The following ABTB2 variants were observed in gnomAD, a reference collection of about 807,000 sequenced individuals.
The protein encoded by ABTB2 is ankyrin repeat and BTB/POZ domain-containing protein 2.
Under a neutral mutation model 104.1 loss-of-function variants are expected in ABTB2, and 56 were observed. The observed-to-expected ratio is 0.54, with a 90% confidence interval of 0.43 to 0.67. The LOEUF (loss-of-function observed/expected upper bound fraction) is 0.67, where lower values mean the gene tolerates loss of function less well. Among genes scored for constraint, ABTB2 ranks in the 30% least tolerant of loss-of-function variants. ABTB2 has a pLI of 0.00. For missense variants in ABTB2, 1,279 were observed against 1,407.7 expected (o/e 0.91, Z 1.46); for synonymous variants, 606 against 608.2 (o/e 1.00, Z 0.05).
chr11:34,346,067 G>C (rs1855327612), intron 1 of ABTB2, among the ~76,000 whole-genome samples: 1 of 152,152 alleles, frequency 6.6e-6, no homozygotes, highest in African/African-American at 2.4e-5. Context: ...TCGGAGCATG[G>C]AGCTCCATGT....
intron 1 of ABTB2, among the ~76,000 whole-genome samples, chr11:34,205,742 G>A (rs1853401558): frequency 6.6e-6 from 1 of 152,156 alleles, no homozygotes; most frequent in African/African-American, 2.4e-5. Flanking sequence ...CACGTGTGAT[G>A]TAACAAGGAC....
chr11:34,203,010 G>T (rs1248425167), intron 2 of ABTB2, among the ~76,000 whole-genome samples: 5 of 152,144 alleles, frequency 3.3e-5, no homozygotes, highest in African/African-American at 9.7e-5. Flanking sequence ...CCTAGGGGAG[G>T]CCTCTAAATG....
intron 3 of ABTB2, among the ~76,000 whole-genome samples, chr11:34,189,912 C>G (rs1316918653): frequency 6.6e-6 from 1 of 152,152 alleles, no homozygotes; most frequent in Non-Finnish European, 1.5e-5. Flanking sequence ...CCCCACAACA[C>G]CCCTATGAAG....
chr11:34,294,896 A>G (rs1854602729), intron 1 of ABTB2, among the ~76,000 whole-genome samples: 1 of 151,234 alleles, frequency 6.6e-6, no homozygotes, highest in Admixed American at 6.6e-5. Flanking sequence ...TTTAATTTTT[A>G]GTAGAGACAG....
At chr11:34,302,212 T>C (rs541260218) in intron 1 of ABTB2, among the ~76,000 whole-genome samples, 11 of 152,360 alleles carry the variant, frequency 7.2e-5, no homozygotes, top group Non-Finnish European at 1.5e-4. Context: ...CACAACTGGA[T>C]ATTTCATGAG....
In ABTB2 at chr11:34,204,543, C is replaced by T; in HGVS notation, c.1030+1G>A. 3 of 1,605,030 alleles carry T rather than the reference C, an allele frequency of 1.9e-6. No individual in the cohort carries two copies. The highest frequency in any genetic ancestry group is 2.5e-6 in the Non-Finnish European group (3 of 1,176,600). Reference sequence around the variant, plus strand: ...CAGCTAGACACTGAGGCCACACTTACTCAGCTCCGAGATGCTGCCCACGCA... The same window carrying T: ...CAGCTAGACACTGAGGCCACACTTATTCAGCTCCGAGATGCTGCCCACGCA... On this transcript the variant is annotated splice_donor_variant, in intron 2 of 16. Transcript: ENST00000435224. LOFTEE classifies it high-confidence loss of function.
chr11:34,248,107 A>C lies in ABTB2; in HGVS notation c.884-43417T>G, dbSNP rs1257838184. Among the ~76,000 whole-genome samples the C allele has an allele frequency of 1.6e-4, 11 of 67,866 alleles. 1 individual carries two copies. Among genetic ancestry groups the C allele is most frequent in the Admixed American group, 2.2e-4 (2 of 8,950 alleles). 44.5% of individuals were successfully genotyped at this position (67,866 alleles called of 152,430 possible). A position where few individuals can be genotyped will look rare whatever the true frequency, so the allele number is the denominator to read the frequency against. On this transcript the variant is annotated intron_variant, in intron 1 of 16. Transcript: ENST00000435224. Reference sequence around the variant, plus strand: ...TCTATAATTTTTCTTAAAAAAAAAAAAAAAAAAAAAAAAAACAGGGTCTTG... The same window carrying C: ...TCTATAATTTTTCTTAAAAAAAAAACAAAAAAAAAAAAAAACAGGGTCTTG...
At chr11:34,335,775 G>A in intron 1 of ABTB2, 5 of 1,380,536 alleles carry the variant, frequency 3.6e-6, no homozygotes, top group Non-Finnish European at 5.2e-6. Flanking sequence ...CAAAACCTAT[G>A]ATCCCAGGAA....
intron 1 of ABTB2, among the ~76,000 whole-genome samples, chr11:34,266,126 A>G (rs1465822213): frequency 6.6e-6 from 1 of 152,216 alleles, no homozygotes; most frequent in Non-Finnish European, 1.5e-5. Flanking sequence ...TCTGTCACCC[A>G]GGCTGGAGTG....
chr11:34,237,329 G>GGGCA (rs1283474729), intron 1 of ABTB2, among the ~76,000 whole-genome samples: 1 of 144,778 alleles, frequency 6.9e-6, no homozygotes, highest in Non-Finnish European at 1.5e-5. Flanking sequence ...TGCCCAGGCT[G>GGGCA]GGCAGTGGCG....
chr11:34,251,409 C>T (rs744581), intron 1 of ABTB2, among the ~76,000 whole-genome samples: 2,269 of 152,268 alleles, frequency 0.015, 57 homozygotes, highest in African/African-American at 0.052. Flanking sequence ...AGAAATACAG[C>T]CAGAAACACA....
intron 3 of ABTB2, among the ~76,000 whole-genome samples, chr11:34,176,569 G>A (rs1852963538): frequency 6.6e-6 from 1 of 152,224 alleles, no homozygotes; most frequent in South Asian, 2.1e-4. Context: ...TTGAGCCCAA[G>A]AGCTGGAGGC....
intron 3 of ABTB2, among the ~76,000 whole-genome samples, chr11:34,181,420 C>G (rs1267449160): frequency 6.6e-6 from 1 of 152,150 alleles, no homozygotes; most frequent in Non-Finnish European, 1.5e-5. Context: ...CAGAGTGAGT[C>G]AGGTTGGCAG....
rs78848767 is a variant in ABTB2, at chr11:34,262,048, A to C, written c.884-57358T>G. On this transcript the variant is annotated intron_variant, in intron 1 of 16. Transcript: ENST00000435224. ...GAGTCCAGCACCCAACAAGAAAACA[A>C]CACCGACTCACATCCTTGTGTGGAA... is the stretch of plus-strand genomic sequence containing the variant. Among the ~76,000 whole-genome samples the C allele has an allele frequency of 4.8e-3, 728 of 152,320 alleles. 25 individuals carry two copies. In the East Asian group the frequency reaches 0.065, roughly 14 times the overall value.
At chr11:34,308,880 A>AAAAAAAAAAAAAAAAAAG (rs1260837172) in intron 1 of ABTB2, among the ~76,000 whole-genome samples, 1 of 151,068 alleles carries the variant, frequency 6.6e-6, no homozygotes, top group African/African-American at 2.4e-5. Flanking sequence ...AAAAAAAAAA[A>AAAAAAAAAAAAAAAAAAG]AAAAAAAGAA....
intron 1 of ABTB2, among the ~76,000 whole-genome samples, chr11:34,330,635 T>C (rs549134517): frequency 2.0e-5 from 3 of 152,362 alleles, no homozygotes; most frequent in African/African-American, 7.2e-5. Context: ...GGCAATAAAC[T>C]TATGAAATAA....
chr11:34,218,572 G>A (rs1853574634), intron 1 of ABTB2, among the ~76,000 whole-genome samples: 1 of 152,128 alleles, frequency 6.6e-6, no homozygotes, highest in Non-Finnish European at 1.5e-5. Context: ...ATCTTTGGCT[G>A]GGTGCAGTGG....
chr11:34,165,624 C>T (rs1391064219), intron 7 of ABTB2, among the ~76,000 whole-genome samples: 1 of 152,234 alleles, frequency 6.6e-6, no homozygotes, highest in African/African-American at 2.4e-5. Flanking sequence ...CTTTCAAATG[C>T]TTTCCCATGA....
chr11:34,268,375 T>A (rs1047047817), intron 1 of ABTB2, among the ~76,000 whole-genome samples: 6 of 152,202 alleles, frequency 3.9e-5, no homozygotes, highest in Non-Finnish European at 5.9e-5. Flanking sequence ...GAGAACCCAC[T>A]CTCTCCTCTT....
Sources: allele counts gnomAD v4.1 joint callset (sites outside exome capture counted in the v4.1 genomes callset), GRCh38; gene constraint gnomAD v4.1.1; transcripts MANE v1.5; gene names NCBI Gene and HGNC (gene_info 2026-07-23, HGNC 2026-07-21).